The following NRG1 variants were observed in gnomAD, a reference collection of about 807,000 sequenced individuals.
NRG1 encodes the protein neuregulin 1.
Under a neutral mutation model 63.8 loss-of-function variants are expected in NRG1, and 18 were observed. That is an observed-to-expected ratio of 0.28 (90% confidence interval 0.19 to 0.42). The LOEUF (loss-of-function observed/expected upper bound fraction) is 0.42, where lower values mean the gene tolerates loss of function less well. Among genes scored for constraint, NRG1 ranks in the 10% least tolerant of loss-of-function variants. NRG1 has a pLI of 1.00. For missense variants in NRG1, 762 were observed against 814.7 expected, an observed-to-expected ratio of 0.94 and a Z score of 0.79; for synonymous variants, 302 against 301.3, an observed-to-expected ratio of 1.00 and a Z score of -0.02.
intron 1 of NRG1, among the ~76,000 whole-genome samples, chr8:32,297,050 G>A (rs1854976042): frequency 6.6e-6 from 1 of 152,054 alleles, no homozygotes; most frequent in South Asian, 2.1e-4. Context: ...AGGAGGCGGA[G>A]GTTGCAGTGA....
intron 1 of NRG1, among the ~76,000 whole-genome samples, chr8:32,486,877 A>ATGGG (rs1825965810): frequency 6.6e-6 from 1 of 152,034 alleles, no homozygotes; most frequent in South Asian, 2.1e-4. Flanking sequence ...CACTTGCCAC[A>ATGGG]GCCTCCCAAA....
chr8:32,130,652 T>C (rs967930926), intron 1 of NRG1, among the ~76,000 whole-genome samples: 5 of 151,896 alleles, frequency 3.3e-5, no homozygotes, highest in Non-Finnish European at 7.4e-5. Context: ...GAAATAGACA[T>C]TTTAGAGGAT....
At chr8:32,542,647 C>T (rs1588183158) in intron 1 of NRG1, among the ~76,000 whole-genome samples, 1 of 152,150 alleles carries the variant, frequency 6.6e-6, no homozygotes, top group Non-Finnish European at 1.5e-5. Flanking sequence ...GCTATGCAGG[C>T]ATGGTGCAAG....
chr8:32,333,185 G>T (rs1802853603), intron 1 of NRG1, among the ~76,000 whole-genome samples: 1 of 152,118 alleles, frequency 6.6e-6, no homozygotes, highest in Non-Finnish European at 1.5e-5. Flanking sequence ...TCATAGGCTT[G>T]TATCTCTCAT....
intron 1 of NRG1, among the ~76,000 whole-genome samples, chr8:32,056,361 A>AGTCGCT (rs890550720): frequency 1.2e-4 from 18 of 152,224 alleles, no homozygotes; most frequent in South Asian, 6.2e-4. Context: ...ATACTGCTTT[A>AGTCGCT]GTCGCTGTGA....
rs181611375 is a variant in NRG1, at chr8:31,682,387, G to C, written c.37+42956G>C. ...TCTGTAGAATCATTGTTATTAATTG[G>C]GGGGAGAGACAACCAACAAATAAAG... On this transcript the variant is annotated intron_variant, in intron 1 of 10. Coordinates refer to the NRG1 transcript ENST00000519301. Among the ~76,000 whole-genome samples, 62 of 152,192 alleles carry C rather than the reference G, an allele frequency of 4.1e-4. No individual in the cohort carries two copies. The East Asian group carries it at 9.8e-3, about 24-fold the overall frequency.
intron 1 of NRG1, among the ~76,000 whole-genome samples, chr8:31,666,498 CA>C (rs1806557536): frequency 6.6e-6 from 1 of 152,084 alleles, no homozygotes; most frequent in Non-Finnish European, 1.5e-5. Flanking sequence ...TGATCATCTT[CA>C]AAATGCTCAC....
chr8:32,170,000 A>G (rs1839852632), intron 1 of NRG1, among the ~76,000 whole-genome samples: 1 of 152,250 alleles, frequency 6.6e-6, no homozygotes, highest in Non-Finnish European at 1.5e-5. Context: ...ACACACAGGA[A>G]GAACACCATG....
intron 1 of NRG1, among the ~76,000 whole-genome samples, chr8:32,202,054 T>C (rs1247261648): frequency 2.0e-5 from 3 of 152,196 alleles, no homozygotes; most frequent in Non-Finnish European, 2.9e-5. Context: ...TTTCTCATGG[T>C]TGTGGTCTGC....
At chr8:31,784,999 C>T (rs575490837) in intron 1 of NRG1, among the ~76,000 whole-genome samples, 1 of 152,232 alleles carries the variant, frequency 6.6e-6, no homozygotes, top group Admixed American at 6.5e-5. Flanking sequence ...TAAATCTTTA[C>T]AGAGAGCAGG....
At position 32,402,040 on chromosome 8, in the gene NRG1, T is replaced by C. The variant is rs57451805; in HGVS notation, c.38-193788T>C. Among the ~76,000 whole-genome samples, 970 of 152,132 alleles carry C rather than the reference T, an allele frequency of 6.4e-3. 12 individuals are homozygous for C. The highest frequency in any genetic ancestry group is 0.022 in the African/African-American group (931 of 41,512). On this transcript the variant is annotated intron_variant, in intron 1 of 10. Transcript: ENST00000519301. ...ATTCTCCCTGCCTCAGTCACCCGAG[T>C]ACCTGGGACAACAGGCGCCTACCAC...
At chr8:31,696,123 A>G (rs1185539288) in intron 1 of NRG1, among the ~76,000 whole-genome samples, 1 of 152,194 alleles carries the variant, frequency 6.6e-6, no homozygotes, top group African/African-American at 2.4e-5. Flanking sequence ...GCTGGAGTGC[A>G]GTGGTGCTAT....
At chr8:32,009,085 A>T (rs1288739328) in intron 1 of NRG1, among the ~76,000 whole-genome samples, 1 of 152,012 alleles carries the variant, frequency 6.6e-6, no homozygotes, top group African/African-American at 2.4e-5. Flanking sequence ...ATTTTTAGGG[A>T]GCTTCCTCTG....
At chr8:32,016,077 C>T (rs1386409975) in intron 1 of NRG1, among the ~76,000 whole-genome samples, 2 of 151,954 alleles carry the variant, frequency 1.3e-5, no homozygotes, top group African/African-American at 4.8e-5. Flanking sequence ...AAAACAAATC[C>T]AAAATATGAA....
At chr8:32,014,906 G>A (rs892450911) in intron 1 of NRG1, among the ~76,000 whole-genome samples, 8 of 152,034 alleles carry the variant, frequency 5.3e-5, no homozygotes, top group Non-Finnish European at 1.2e-4. Flanking sequence ...AGAGGATGAA[G>A]GCAGTGATCA....
chr8:31,712,980 TCCAC>T (rs55701922), intron 1 of NRG1, among the ~76,000 whole-genome samples: 6,219 of 86,848 alleles, frequency 0.072, 160 homozygotes, highest in Admixed American at 0.12. Flanking sequence ...TGTCCATCCA[TCCAC>T]CCATCCATCC....
intron 1 of NRG1, among the ~76,000 whole-genome samples, chr8:32,344,324 C>CTCTT (rs765116407): frequency 0.088 from 5,612 of 63,930 alleles, 346 homozygotes; most frequent in Admixed American, 0.1. Context: ...TTCCTTCTTT[C>CTCTT]TCTTTCTTTC....
intron 1 of NRG1, among the ~76,000 whole-genome samples, chr8:32,016,574 T>C (rs1815577964): frequency 6.6e-6 from 1 of 152,214 alleles, no homozygotes; most frequent in South Asian, 2.1e-4. Context: ...AGGCATATGT[T>C]ACACAATGAG....
intron 1 of NRG1, among the ~76,000 whole-genome samples, chr8:31,744,564 G>A (rs1815660231): frequency 6.6e-6 from 1 of 151,896 alleles, no homozygotes; most frequent in South Asian, 2.1e-4. Context: ...ATTTATTACT[G>A]TTTTTGGTTG....
Sources: allele counts gnomAD v4.1 joint callset (sites outside exome capture counted in the v4.1 genomes callset), GRCh38; gene constraint gnomAD v4.1.1; transcripts MANE v1.5; gene names NCBI Gene and HGNC (gene_info 2026-07-23, HGNC 2026-07-21).